GRIP1: variants seen among roughly 807,000 people sequenced by gnomAD.
GRIP1 encodes the protein glutamate receptor-interacting protein 1.
A neutral mutation model predicts 129.9 loss-of-function variants in GRIP1; 45 were observed. The observed-to-expected ratio is 0.35, with a 90% confidence interval of 0.27 to 0.44. The LOEUF (loss-of-function observed/expected upper bound fraction) is 0.44. Among genes scored for constraint, GRIP1 ranks in the 20% least tolerant of loss-of-function variants. The pLI, the probability that GRIP1 is intolerant of heterozygous loss-of-function variation, is 1.00. For synonymous variants in GRIP1, 530 were observed against 520.8 expected, an observed-to-expected ratio of 1.02 and a Z score of -0.24; for missense variants, 1,196 against 1,396.8, an observed-to-expected ratio of 0.86 and a Z score of 2.29.
chr12:66,811,707 A>G, intron 1 of GRIP1, among the ~76,000 whole-genome samples: 1 of 152,054 alleles, frequency 6.6e-6, no homozygotes, highest in East Asian at 1.9e-4. Flanking sequence ...GAGATAAGAA[A>G]AGTCTACTTA....
chr12:66,791,228 A>T (rs543930528), intron 1 of GRIP1, among the ~76,000 whole-genome samples: 1 of 152,248 alleles, frequency 6.6e-6, no homozygotes, highest in South Asian at 2.1e-4. Flanking sequence ...TTTGTAAAAG[A>T]TATTTGGAAG....
chr12:66,873,109 G>A (rs1039936521), intron 1 of GRIP1, among the ~76,000 whole-genome samples: 2 of 152,006 alleles, frequency 1.3e-5, no homozygotes, highest in Non-Finnish European at 2.9e-5. Context: ...TGGCCTCAAG[G>A]CAATCAGATT....
intron 1 of GRIP1, among the ~76,000 whole-genome samples, chr12:66,846,356 C>T (rs1015236879): frequency 1.1e-4 from 16 of 152,150 alleles, no homozygotes; most frequent in African/African-American, 3.9e-4. Context: ...AGTGAATGGA[C>T]CCTTTTAGAC....
chr12:66,770,047 G>C (rs924811274), intron 1 of GRIP1, among the ~76,000 whole-genome samples: 3 of 152,166 alleles, frequency 2.0e-5, no homozygotes, highest in African/African-American at 7.2e-5. Flanking sequence ...TTAACCACCT[G>C]TACCCCCATT....
chr12:66,575,852 A>G (rs2063122277), intron 2 of GRIP1, among the ~76,000 whole-genome samples: 1 of 152,234 alleles, frequency 6.6e-6, no homozygotes, highest in Admixed American at 6.5e-5. Flanking sequence ...CTTAAAGTAG[A>G]AAGGATTGAC....
At chr12:66,615,668 G>C (rs890486820) in intron 1 of GRIP1, among the ~76,000 whole-genome samples, 2 of 152,142 alleles carry the variant, frequency 1.3e-5, no homozygotes, top group Non-Finnish European at 2.9e-5. Context: ...TTGAAACGGA[G>C]TTTCACTCTT....
At chr12:66,727,486 T>G (rs967202827) in intron 1 of GRIP1, among the ~76,000 whole-genome samples, 2 of 152,006 alleles carry the variant, frequency 1.3e-5, no homozygotes, top group South Asian at 2.1e-4. Context: ...TGGAGCAGAG[T>G]GAAACCCAAC....
At chr12:66,406,816 G>C (rs2057208791) in intron 15 of GRIP1, among the ~76,000 whole-genome samples, 1 of 152,264 alleles carries the variant, frequency 6.6e-6, no homozygotes, top group South Asian at 2.1e-4. Flanking sequence ...AGAGCATTAA[G>C]AGAATGACAG....
At chr12:66,561,673 C>T (rs151225219) in intron 2 of GRIP1, among the ~76,000 whole-genome samples, 1 of 152,216 alleles carries the variant, frequency 6.6e-6, no homozygotes, top group African/African-American at 2.4e-5. Flanking sequence ...TCACTAAATC[C>T]TTGTGTGCCC....
At chr12:66,666,612 C>T (rs2033810313) in intron 1 of GRIP1, among the ~76,000 whole-genome samples, 1 of 152,120 alleles carries the variant, frequency 6.6e-6, no homozygotes, top group Non-Finnish European at 1.5e-5. Flanking sequence ...ATTGACTGTA[C>T]TCTACTATAT....
intron 15 of GRIP1, among the ~76,000 whole-genome samples, chr12:66,415,439 C>A (rs549739998): frequency 6.6e-6 from 1 of 152,106 alleles, no homozygotes; most frequent in Non-Finnish European, 1.5e-5. Flanking sequence ...GGTGAGGTTG[C>A]AGAGAAAAAG....
intron 7 of GRIP1, among the ~76,000 whole-genome samples, chr12:66,482,546 G>A (rs2059835892): frequency 6.6e-6 from 1 of 152,164 alleles, no homozygotes; most frequent in Non-Finnish European, 1.5e-5. Flanking sequence ...CATAATAAAT[G>A]TTTCCCCACA....
intron 1 of GRIP1, among the ~76,000 whole-genome samples, chr12:67,036,529 T>A (rs1323687259): frequency 6.6e-6 from 1 of 151,912 alleles, no homozygotes; most frequent in Non-Finnish European, 1.5e-5. Context: ...CAGGGTTTCA[T>A]CATGTTGGCC....
intron 16 of GRIP1, among the ~76,000 whole-genome samples, chr12:66,403,407 T>A (rs1003750818): frequency 1.3e-5 from 2 of 152,204 alleles, no homozygotes; most frequent in East Asian, 1.9e-4. Flanking sequence ...ATAATGTTTT[T>A]TTTTCCTCCC....
At chr12:66,597,441 T>C (rs1237316284) in intron 1 of GRIP1, among the ~76,000 whole-genome samples, 2 of 152,086 alleles carry the variant, frequency 1.3e-5, no homozygotes, top group Admixed American at 1.3e-4. Context: ...AGTTAGTAGG[T>C]TCCTCCTGGG....
At chr12:66,505,356 G>A (rs968562406) in intron 7 of GRIP1, among the ~76,000 whole-genome samples, 1 of 152,174 alleles carries the variant, frequency 6.6e-6, no homozygotes, top group Non-Finnish European at 1.5e-5. Context: ...GCAAGGAAAT[G>A]AGGACCTTGG....
chr12:66,666,696 T>C (rs1408767598), intron 1 of GRIP1, among the ~76,000 whole-genome samples: 1 of 152,164 alleles, frequency 6.6e-6, no homozygotes, highest in Non-Finnish European at 1.5e-5. Context: ...CACACTTTCC[T>C]CTTTCCTAGA....
At chr12:66,648,853 A>G (rs960785515) in intron 1 of GRIP1, among the ~76,000 whole-genome samples, 1 of 152,216 alleles carries the variant, frequency 6.6e-6, no homozygotes, top group Non-Finnish European at 1.5e-5. Flanking sequence ...ATAACATTGT[A>G]AAGGAAAGTT....
In GRIP1 at chr12:66,379,399, G is replaced by C. The variant is rs2055988853; in HGVS notation, c.2502C>G (p.Thr834=). 1 of 1,614,112 alleles carries C rather than the reference G, an allele frequency of 6.2e-7. No homozygotes were observed. Among genetic ancestry groups the C allele is most frequent in the Non-Finnish European group, 8.5e-7 (1 of 1,179,954 alleles). Residue 834 remains threonine, a synonymous_variant, in exon 20 of 25, where the codon ACC becomes ACG. Coordinates refer to ENST00000359742, the MANE Select transcript of GRIP1 (RefSeq NM_001366722.1). ...TCTGTTTTGGACTCCTCCAGTCATA[G>C]GTGTTGAAATTGTATCCTGAGGCCT... is the stretch of plus-strand genomic sequence containing the variant. ...SFQASGYNFN[T]YDWRSPKQRG... is the part of the protein sequence containing the mutation.
Sources: allele counts gnomAD v4.1 joint callset (sites outside exome capture counted in the v4.1 genomes callset), GRCh38; gene constraint gnomAD v4.1.1; transcripts MANE v1.5; gene names NCBI Gene and HGNC (gene_info 2026-07-23, HGNC 2026-07-21).